The following CREB5 variants were observed in gnomAD, a reference collection of about 807,000 sequenced individuals.
CREB5 encodes the protein cAMP responsive element binding protein 5.
In CREB5, 19 loss-of-function variants were observed where a neutral mutation model predicts 57.1. The observed-to-expected ratio is 0.33, with a 90% CI of 0.23 to 0.49. The LOEUF (loss-of-function observed/expected upper bound fraction) is 0.49. CREB5 is among the 20% of genes least tolerant of loss of function. The pLI is 0.99. For synonymous variants in CREB5, 238 were observed against 238.3 expected (o/e 1.00, Z 0.01); for missense variants, 579 against 671.6 (o/e 0.86, Z 1.52).
At chr7:28,567,526 T>C (rs1476362053) in intron 4 of CREB5, among the ~76,000 whole-genome samples, 1 of 152,236 alleles carries the variant, frequency 6.6e-6, no homozygotes, top group East Asian at 1.9e-4. Flanking sequence ...TTTAGTTTCT[T>C]CTCTCACTGG....
intron 1 of CREB5, among the ~76,000 whole-genome samples, chr7:28,345,910 G>A (rs1173464715): frequency 6.6e-6 from 1 of 152,136 alleles, no homozygotes; most frequent in East Asian, 1.9e-4. Flanking sequence ...TCCTCAGCAA[G>A]AGACAGGCAA....
intron 5 of CREB5, among the ~76,000 whole-genome samples, chr7:28,579,938 C>T (rs566533446): frequency 2.6e-5 from 4 of 152,208 alleles, no homozygotes; most frequent in African/African-American, 9.6e-5. Flanking sequence ...TCTCATTTTT[C>T]TCAAGAGTCT....
chr7:28,356,058 G>A (rs937124081), intron 1 of CREB5, among the ~76,000 whole-genome samples: 2 of 152,166 alleles, frequency 1.3e-5, no homozygotes, highest in African/African-American at 2.4e-5. Flanking sequence ...ACGCCTCTCT[G>A]TTCGGAAGAA....
intron 7 of CREB5, among the ~76,000 whole-genome samples, chr7:28,739,001 C>T (rs1804190339): frequency 6.6e-6 from 1 of 151,998 alleles, no homozygotes; most frequent in Admixed American, 6.5e-5. Flanking sequence ...ACTTACAGTC[C>T]AATAAGAAAA....
At chr7:28,707,679 G>T (rs10265166) in intron 5 of CREB5, among the ~76,000 whole-genome samples, 10,153 of 152,220 alleles carry the variant, frequency 0.067, 423 homozygotes, top group Middle Eastern at 0.13. Flanking sequence ...AAGAGCCCAA[G>T]AAGAGGAAAT....
At chr7:28,615,193 G>A (rs1346777447) in intron 5 of CREB5, 3 of 152,224 alleles carry the variant, frequency 2.0e-5, no homozygotes, top group Admixed American at 6.5e-5. Context: ...CTCTGTTAAT[G>A]TGGTCTCTTT....
chr7:28,499,043 G>A (rs761424153), intron 3 of CREB5, among the ~76,000 whole-genome samples: 10 of 152,040 alleles, frequency 6.6e-5, no homozygotes, highest in South Asian at 6.2e-4. Flanking sequence ...TCAAATTTCA[G>A]CAGAGCGGTA....
At chr7:28,597,631 T>C (rs117795654) in intron 5 of CREB5, among the ~76,000 whole-genome samples, 2 of 152,176 alleles carry the variant, frequency 1.3e-5, no homozygotes, top group East Asian at 3.9e-4. Context: ...CAGATTGAGG[T>C]GGAATTAATG....
At chr7:28,670,721 C>A (rs949524365) in intron 5 of CREB5, among the ~76,000 whole-genome samples, 1 of 152,196 alleles carries the variant, frequency 6.6e-6, no homozygotes, top group Non-Finnish European at 1.5e-5. Flanking sequence ...CAAGTCAAAA[C>A]AAAGAAGTTC....
intron 1 of CREB5, among the ~76,000 whole-genome samples, chr7:28,357,046 A>C (rs1786360180): frequency 6.6e-6 from 1 of 152,036 alleles, no homozygotes. Flanking sequence ...CCTGGCACAC[A>C]CTCACTTTCC....
chr7:28,687,308 T>A (rs569947312), intron 5 of CREB5, among the ~76,000 whole-genome samples: 30 of 152,124 alleles, frequency 2.0e-4, no homozygotes, highest in African/African-American at 6.7e-4. Context: ...GGGGCGATGA[T>A]GAAGACTTCT....
At chr7:28,738,384 G>A (rs2128755345) in intron 7 of CREB5, among the ~76,000 whole-genome samples, 1 of 152,314 alleles carries the variant, frequency 6.6e-6, no homozygotes, top group African/African-American at 2.4e-5. Context: ...TTGGATGGAT[G>A]TGGTTCGGTC....
intron 1 of CREB5, among the ~76,000 whole-genome samples, chr7:28,357,221 C>G (rs1262803267): frequency 6.6e-6 from 1 of 152,214 alleles, no homozygotes; most frequent in Non-Finnish European, 1.5e-5. Context: ...TGTCCAAATT[C>G]TACAGCACAT....
rs57930477 is a variant in CREB5, at chr7:28,377,931, C to CAAAAAAAAAAA, written c.-25+78494_-25+78504dup. 7.1e-5 allele frequency among the ~76,000 whole-genome samples: 8 copies of CAAAAAAAAAAA among 112,354 alleles called. 1 individual carries two copies. Among genetic ancestry groups the CAAAAAAAAAAA allele is most frequent in the East Asian group, 5.7e-4 (2 of 3,502 alleles). 73.7% of individuals were successfully genotyped at this position (112,354 alleles called of 152,430 possible). The stretch of plus-strand genomic sequence containing the variant: ...TGGGAGACAGAGCGAGACTCTATCT[C>CAAAAAAAAAAA]AAAAAAAAAAAAAACAAAAAAGAAA... On this transcript the variant is annotated intron_variant, in intron 1 of 9. Coordinates refer to the CREB5 transcript ENST00000396299.
At chr7:28,473,048 G>A (rs1289418612) in intron 1 of CREB5, among the ~76,000 whole-genome samples, 2 of 152,164 alleles carry the variant, frequency 1.3e-5, no homozygotes, top group Non-Finnish European at 2.9e-5. Flanking sequence ...TGTCCAGAGA[G>A]GTAAGCATTA....
chr7:28,594,038 C>T (rs1796615274), intron 5 of CREB5, among the ~76,000 whole-genome samples: 1 of 152,202 alleles, frequency 6.6e-6, no homozygotes, highest in African/African-American at 2.4e-5. Context: ...TCAATCACTT[C>T]TGCAGGCAAA....
chr7:28,685,505 C>T (rs529655516), intron 5 of CREB5, among the ~76,000 whole-genome samples: 4 of 152,136 alleles, frequency 2.6e-5, no homozygotes, highest in South Asian at 4.2e-4. Flanking sequence ...GGGCCCTGGG[C>T]GATGGAAACC....
At chr7:28,512,037 A>G (rs1325646929) in intron 4 of CREB5, among the ~76,000 whole-genome samples, 1 of 152,224 alleles carries the variant, frequency 6.6e-6, no homozygotes. Context: ...TTGGGAAGTA[A>G]TAGAAGCAGC....
intron 5 of CREB5, among the ~76,000 whole-genome samples, chr7:28,579,546 G>A (rs1272063393): frequency 4.6e-5 from 7 of 152,188 alleles, no homozygotes; most frequent in Non-Finnish European, 7.3e-5. Flanking sequence ...CGACATGATG[G>A]AATGTGCTTG....
Sources: allele counts gnomAD v4.1 joint callset (sites outside exome capture counted in the v4.1 genomes callset), GRCh38; gene constraint gnomAD v4.1.1; transcripts MANE v1.5; gene names NCBI Gene and HGNC (gene_info 2026-07-23, HGNC 2026-07-21).